OLA1: variants seen among roughly 807,000 people sequenced by gnomAD.
OLA1 encodes Obg like ATPase 1.
In OLA1, 14 loss-of-function variants were observed where a neutral mutation model predicts 48.4. The observed-to-expected ratio is 0.29, with a 90% CI of 0.19 to 0.45. OLA1 has a LOEUF of 0.45. Ranked by LOEUF, OLA1 falls within the 20% of genes least tolerant of loss-of-function variation. The pLI, the probability that OLA1 is intolerant of heterozygous loss-of-function variation, is 1.00. For missense variants in OLA1, 325 were observed against 467.1 expected, an observed-to-expected ratio of 0.70 and a Z score of 2.80; for synonymous variants, 127 against 150.4, an observed-to-expected ratio of 0.84 and a Z score of 1.14.
chr2:174,115,966 A>C (rs1685771777), intron 7 of OLA1, among the ~76,000 whole-genome samples: 1 of 152,244 alleles, frequency 6.6e-6, no homozygotes, highest in East Asian at 1.9e-4. Context: ...AATACATGAC[A>C]CACAGAAGGG....
At chr2:174,106,806 T>C (rs1009881425) in intron 7 of OLA1, among the ~76,000 whole-genome samples, 3 of 152,186 alleles carry the variant, frequency 2.0e-5, no homozygotes, top group Non-Finnish European at 2.9e-5. Flanking sequence ...CCAGAATTTC[T>C]GTGCTCATCT....
chr2:174,218,547 C>T (rs989944146), intron 4 of OLA1, among the ~76,000 whole-genome samples: 4 of 152,198 alleles, frequency 2.6e-5, no homozygotes, highest in East Asian at 1.9e-4. Flanking sequence ...AGTTAGCATA[C>T]AGTAACTTCA....
At chr2:174,209,811 T>C (rs1438666653) in intron 4 of OLA1, among the ~76,000 whole-genome samples, 1 of 152,214 alleles carries the variant, frequency 6.6e-6, no homozygotes, top group Non-Finnish European at 1.5e-5. Flanking sequence ...ATTTTTAGAA[T>C]AGTAATTTCA....
intron 4 of OLA1, among the ~76,000 whole-genome samples, chr2:174,208,892 T>C (rs1448603686): frequency 1.3e-5 from 2 of 152,200 alleles, no homozygotes; most frequent in African/African-American, 2.4e-5. Context: ...ATACAAAAAC[T>C]GCGTAAAGTT....
chr2:174,130,005 C>T (rs771112212), intron 5 of OLA1, among the ~76,000 whole-genome samples: 9 of 152,128 alleles, frequency 5.9e-5, no homozygotes, highest in Non-Finnish European at 7.4e-5. Context: ...ACTCAGACTA[C>T]AAGAATTAGG....
chr2:174,110,508 A>C (rs1685624062), intron 7 of OLA1, among the ~76,000 whole-genome samples: 1 of 151,772 alleles, frequency 6.6e-6, no homozygotes, highest in South Asian at 2.1e-4. Flanking sequence ...ACACTGGCAC[A>C]ATCAAAGCTT....
At chr2:174,116,085 TATA>T (rs1366843574) in intron 7 of OLA1, among the ~76,000 whole-genome samples, 1 of 152,162 alleles carries the variant, frequency 6.6e-6, no homozygotes. Flanking sequence ...AATTTGCATT[TATA>T]ATGACAGTTT....
intron 4 of OLA1, among the ~76,000 whole-genome samples, chr2:174,200,758 C>CA (rs1325517606): frequency 1.3e-5 from 2 of 149,790 alleles, no homozygotes; most frequent in African/African-American, 4.9e-5. Context: ...CAATATAATT[C>CA]TTTTTTTTTT....
chr2:174,208,681 C>G (rs953576221), intron 4 of OLA1, among the ~76,000 whole-genome samples: 1 of 152,162 alleles, frequency 6.6e-6, no homozygotes, highest in Non-Finnish European at 1.5e-5. Context: ...TCCCACCAAA[C>G]CTGATGTTCA....
chr2:174,121,510 C>T (rs1685914179), intron 7 of OLA1, among the ~76,000 whole-genome samples: 1 of 151,966 alleles, frequency 6.6e-6, no homozygotes, highest in Admixed American at 6.6e-5. Context: ...GATCTGGATC[C>T]CTCCCAACCC....
intron 4 of OLA1, among the ~76,000 whole-genome samples, chr2:174,155,827 T>G (rs1159072759): frequency 6.6e-6 from 1 of 151,918 alleles, no homozygotes; most frequent in African/African-American, 2.4e-5. Flanking sequence ...AGACGAGGAC[T>G]TTCAGGGACA....
chr2:174,172,989 C>A (rs142724392), intron 4 of OLA1, among the ~76,000 whole-genome samples: 1 of 152,154 alleles, frequency 6.6e-6, no homozygotes, highest in Non-Finnish European at 1.5e-5. Context: ...GCCGCCTCCC[C>A]CTTTGCCTTC....
intron 4 of OLA1, among the ~76,000 whole-genome samples, chr2:174,154,210 T>C (rs1381125711): frequency 6.6e-6 from 1 of 152,194 alleles, no homozygotes; most frequent in African/African-American, 2.4e-5. Context: ...TCTGCCCTAC[T>C]TCCAATATTG....
At chr2:174,246,648 C>T (rs1041013522) in intron 2 of OLA1, 67 bp downstream of exon 2, 1 of 1,035,776 alleles carries the variant, frequency 9.7e-7, no homozygotes, top group Non-Finnish European at 1.5e-6. Flanking sequence ...CTCACGGTTC[C>T]CATTTCTACA....
At chr2:174,232,551 T>C (rs1688752931) in intron 2 of OLA1, among the ~76,000 whole-genome samples, 1 of 152,090 alleles carries the variant, frequency 6.6e-6, no homozygotes, top group South Asian at 2.1e-4. Context: ...CCTAGAGAAA[T>C]GTCTGTTCTC....
chr2:174,122,103 C>T (rs1301249874), intron 7 of OLA1, among the ~76,000 whole-genome samples: 1 of 152,170 alleles, frequency 6.6e-6, no homozygotes, highest in African/African-American at 2.4e-5. Flanking sequence ...ATGGAGGATA[C>T]TGACCAGCTG....
At chr2:174,195,769 A>T (rs1291840935) in intron 4 of OLA1, among the ~76,000 whole-genome samples, 3 of 152,206 alleles carry the variant, frequency 2.0e-5, no homozygotes, top group Non-Finnish European at 4.4e-5. Flanking sequence ...TATACCTTTT[A>T]CCTGTTATTA....
At chr2:174,091,673 G>T (rs1685114921) in intron 7 of OLA1, among the ~76,000 whole-genome samples, 1 of 151,778 alleles carries the variant, frequency 6.6e-6, no homozygotes, top group Admixed American at 6.6e-5. Context: ...AACACCTGAG[G>T]TCAGGAGTTT....
At chr2:174,206,911 T>C (rs967948217) in intron 4 of OLA1, among the ~76,000 whole-genome samples, 1 of 151,992 alleles carries the variant, frequency 6.6e-6, no homozygotes. Context: ...AAAAAGAAAA[T>C]TACAGGACCC....
Sources: gnomAD v4.1 joint callset for allele counts (sites outside exome capture counted in the v4.1 genomes callset) on GRCh38, gnomAD v4.1.1 for gene constraint, MANE v1.5 for transcripts, NCBI Gene and HGNC (gene_info 2026-07-23, HGNC 2026-07-21) for gene names.